The following IMPG1 variants were observed in gnomAD, a reference collection of about 807,000 sequenced individuals.
The protein encoded by IMPG1 is interphotoreceptor matrix proteoglycan 1, also known as interphotoreceptor matrix proteoglycan of 150 kDa.
Under a neutral mutation model 92.0 loss-of-function variants are expected in IMPG1, and 85 were observed. The observed-to-expected ratio is 0.92, with a 90% CI of 0.78 to 1.11. The LOEUF (loss-of-function observed/expected upper bound fraction) is 1.11, where lower values mean the gene tolerates loss of function less well. IMPG1 is among the 50% of genes least tolerant of loss of function. The probability of loss-of-function intolerance (pLI) is 0.00; values close to 1 mark genes in which losing one functional copy is unlikely to be tolerated. For synonymous variants in IMPG1, 367 were observed against 334.1 expected, an observed-to-expected ratio of 1.10 and a Z score of -1.08; for missense variants, 1,022 against 956.0, an observed-to-expected ratio of 1.07 and a Z score of -0.91.
intron 15 of IMPG1, among the ~76,000 whole-genome samples, chr6:75,929,102 A>T (rs924650861): frequency 6.6e-6 from 1 of 152,248 alleles, no homozygotes; most frequent in African/African-American, 2.4e-5. Context: ...GCACAGGTAC[A>T]ACTATTCTTG....
chr6:75,930,377 A>AT (rs1274206301), intron 15 of IMPG1, among the ~76,000 whole-genome samples: 2 of 152,266 alleles, frequency 1.3e-5, no homozygotes, highest in Middle Eastern at 3.2e-3. Context: ...TTATAAATCA[A>AT]TTGTACATAA....
At chr6:76,049,930 G>A (rs1450087989) in intron 1 of IMPG1, among the ~76,000 whole-genome samples, 3 of 152,094 alleles carry the variant, frequency 2.0e-5, no homozygotes, top group African/African-American at 4.8e-5. Context: ...TTAAAATTTA[G>A]CCACTCTATC....
At chr6:76,066,262 A>G (rs1050644399) in intron 1 of IMPG1, among the ~76,000 whole-genome samples, 1 of 152,136 alleles carries the variant, frequency 6.6e-6, no homozygotes, top group African/African-American at 2.4e-5. Flanking sequence ...TGCTCCACTT[A>G]AAACTATAAA....
chr6:75,939,857 C>G (rs1781809270), intron 14 of IMPG1, among the ~76,000 whole-genome samples: 2 of 152,210 alleles, frequency 1.3e-5, no homozygotes, highest in South Asian at 4.1e-4. Context: ...AGTTGTAAGA[C>G]AAGAGGTAGA....
At chr6:76,042,450 A>G (rs888993392) in intron 1 of IMPG1, among the ~76,000 whole-genome samples, 5 of 152,002 alleles carry the variant, frequency 3.3e-5, no homozygotes, top group Non-Finnish European at 4.4e-5. Flanking sequence ...CTCTCAAGAG[A>G]TGTCTCTTAT....
At chr6:75,944,209 C>T (rs189758037) in intron 14 of IMPG1, among the ~76,000 whole-genome samples, 1 of 152,306 alleles carries the variant, frequency 6.6e-6, no homozygotes, top group African/African-American at 2.4e-5. Context: ...TGACTATTCC[C>T]TGTGCCCCCC....
chr6:76,000,825 G>A (rs1782974928), intron 12 of IMPG1, among the ~76,000 whole-genome samples: 1 of 152,212 alleles, frequency 6.6e-6, no homozygotes, highest in Admixed American at 6.5e-5. Context: ...AGACTCAGAA[G>A]CCTAGACAAT....
At chr6:76,064,087 G>A (rs1463480308) in intron 1 of IMPG1, among the ~76,000 whole-genome samples, 1 of 152,002 alleles carries the variant, frequency 6.6e-6, no homozygotes, top group Non-Finnish European at 1.5e-5. Flanking sequence ...ATACAGTTGT[G>A]GATACAGGCT....
chr6:76,000,661 G>T (rs1782971570), intron 12 of IMPG1, among the ~76,000 whole-genome samples: 1 of 152,152 alleles, frequency 6.6e-6, no homozygotes, highest in Non-Finnish European at 1.5e-5. Context: ...TGGTTAACAA[G>T]AGTCACGTGC....
Position 75,974,401 on chromosome 6 carries a change from T to TTTCCTTCCTTCCTTCCTTCCTTGCTTCC in IMPG1, c.1292-23308_1292-23307insGGAAGCAAGGAAGGAAGGAAGGAAGGAA, listed in dbSNP as rs1562354910. ...TTTCTTTCTTTCTTTCTTTTCTTTC[T>TTTCCTTCCTTCCTTCCTTCCTTGCTTCC]TTCCTTCCTTCCTTCCTTCCTTCCT... On this transcript the variant is annotated intron_variant, in intron 12 of 16. Coordinates refer to ENST00000369950, the MANE Select transcript of IMPG1 (RefSeq NM_001563.4). 1.1e-3 allele frequency among the ~76,000 whole-genome samples: 102 copies of TTTCCTTCCTTCCTTCCTTCCTTGCTTCC among 92,798 alleles called. 1 individual carries two copies. Among genetic ancestry groups the TTTCCTTCCTTCCTTCCTTCCTTGCTTCC allele is most frequent in the Non-Finnish European group, 1.5e-3 (67 of 45,432 alleles). The allele number at this position is 92,798 out of a possible 152,430, so 60.9% of individuals were successfully genotyped here. A position where few individuals can be genotyped will look rare whatever the true frequency, so the allele number is the denominator to read the frequency against.
chr6:76,018,686 G>T, intron 7 of IMPG1, 32 bp downstream of exon 7: 1 of 1,600,714 alleles, frequency 6.2e-7, no homozygotes, highest in Non-Finnish European at 8.5e-7. Context: ...GTCACAGCTT[G>T]AGGTGTGGTT....
At chr6:76,031,670 C>A (rs575874490) in intron 4 of IMPG1, among the ~76,000 whole-genome samples, 1 of 152,152 alleles carries the variant, frequency 6.6e-6, no homozygotes, top group South Asian at 2.1e-4. Context: ...CACTTATAGC[C>A]TAGACAGTTT....
intron 12 of IMPG1, among the ~76,000 whole-genome samples, chr6:75,986,527 T>C (rs1379076095): frequency 6.6e-6 from 1 of 152,182 alleles, no homozygotes; most frequent in African/African-American, 2.4e-5. Flanking sequence ...GATACTTTAT[T>C]GCTGAGCATG....
Position 75,943,278 on chromosome 6 carries a change from T to C in IMPG1, c.2044+4036A>G, listed in dbSNP as rs76786794. 6.0e-3 allele frequency among the ~76,000 whole-genome samples: 920 copies of C among 152,192 alleles called. 8 individuals are homozygous for C. The highest frequency in any genetic ancestry group is 0.012 in the South Asian group (58 of 4,806). On this transcript the variant is annotated intron_variant, in intron 14 of 16. Transcript: ENST00000369950. ...TCTGAATCTCATATTAAAAATCTGA[T>C]CTCCAATGCTGGAAGTGTGGGCCTA...
chr6:75,925,096 C>G (rs894838799), intron 15 of IMPG1, among the ~76,000 whole-genome samples: 28 of 151,542 alleles, frequency 1.8e-4, no homozygotes, highest in Non-Finnish European at 3.1e-4. Context: ...TTCAAAATAG[C>G]TAGAAGAGAG....
chr6:76,042,220 T>C (rs770028715), intron 1 of IMPG1, 94 bp from the exon 2 acceptor site: 22 of 738,276 alleles, frequency 3.0e-5, no homozygotes, highest in Non-Finnish European at 5.2e-5. Flanking sequence ...CTGAAAATTA[T>C]AATCCTTTAG....
In IMPG1 at chr6:76,011,200, G is replaced by A; in HGVS notation, c.832C>T (p.Pro278Ser). Reference sequence around the variant, plus strand: ...AACACATGGATTTTTTTGAATCCTGGAAGTTTCTTAAATATCTTTTGCATC... The same window carrying A: ...AACACATGGATTTTTTTGAATCCTGAAAGTTTCTTAAATATCTTTTGCATC... ...LQMQKIFKKL[P>S]GFKKIHVLGF... Residue 278 changes from proline (P) to serine (S), a missense_variant, in exon 8 of 17, where the codon CCA (proline) becomes TCA (serine). Coordinates refer to ENST00000369950, the MANE Select transcript of IMPG1 (RefSeq NM_001563.4). 1 of 1,554,762 alleles carries A rather than the reference G, an allele frequency of 6.4e-7. No individual in the cohort carries two copies. The highest frequency in any genetic ancestry group is 8.9e-7 in the Non-Finnish European group (1 of 1,127,552).
intron 14 of IMPG1, among the ~76,000 whole-genome samples, chr6:75,943,887 GC>G (rs917465439): frequency 1.3e-5 from 2 of 152,204 alleles, no homozygotes; most frequent in African/African-American, 4.8e-5. Context: ...AGGAAGTCTG[GC>G]ACAACAGAAA....
chr6:75,938,573 G>A (rs12528532), intron 14 of IMPG1, among the ~76,000 whole-genome samples: 16,334 of 152,204 alleles, frequency 0.11, 1,041 homozygotes, highest in Middle Eastern at 0.18. Context: ...AGCACTTTTG[G>A]AGGCCAAGGC....
Sources: allele counts gnomAD v4.1 joint callset (sites outside exome capture counted in the v4.1 genomes callset), GRCh38; gene constraint gnomAD v4.1.1; transcripts MANE v1.5; gene names NCBI Gene and HGNC (gene_info 2026-07-23, HGNC 2026-07-21).